CLSTN2: variants seen among roughly 807,000 people sequenced by gnomAD.
CLSTN2 encodes the protein calsyntenin-2.
CLSTN2 carries 48 observed loss-of-function variants against 101.2 expected under a neutral mutation model. The observed-to-expected ratio is 0.47, with a 90% CI of 0.38 to 0.60. The LOEUF (loss-of-function observed/expected upper bound fraction) is 0.60, where lower values mean the gene tolerates loss of function less well. Among genes scored for constraint, CLSTN2 ranks in the 20% least tolerant of loss-of-function variants. The pLI, the probability that CLSTN2 is intolerant of heterozygous loss-of-function variation, is 0.00. For missense variants in CLSTN2, 1,160 were observed against 1,238.2 expected, an observed-to-expected ratio of 0.94 and a Z score of 0.95; for synonymous variants, 481 against 463.6, an observed-to-expected ratio of 1.04 and a Z score of -0.48.
chr3:140,037,040 G>A (rs1411663423), intron 1 of CLSTN2, among the ~76,000 whole-genome samples: 1 of 151,920 alleles, frequency 6.6e-6, no homozygotes, highest in African/African-American at 2.4e-5. Context: ...CTTTTCTCTT[G>A]TGTTATATGT....
intron 1 of CLSTN2, among the ~76,000 whole-genome samples, chr3:140,084,884 G>T (rs72984144): frequency 0.056 from 8,595 of 152,260 alleles, 284 homozygotes; most frequent in African/African-American, 0.074. Flanking sequence ...TTTGAATTGG[G>T]ACTCAACCTG....
At chr3:140,230,287 A>C (rs930733101) in intron 2 of CLSTN2, among the ~76,000 whole-genome samples, 2 of 152,188 alleles carry the variant, frequency 1.3e-5, no homozygotes, top group African/African-American at 4.8e-5. Flanking sequence ...TGTGTGGTCA[A>C]ATGGATAGCA....
chr3:140,063,596 T>C (rs1178600936), intron 1 of CLSTN2, among the ~76,000 whole-genome samples: 1 of 152,118 alleles, frequency 6.6e-6, no homozygotes, highest in Non-Finnish European at 1.5e-5. Context: ...GGAAAATAAA[T>C]CTTTTAAAAG....
chr3:140,533,037 C>G (rs551073899), intron 9 of CLSTN2, among the ~76,000 whole-genome samples: 108 of 152,356 alleles, frequency 7.1e-4, no homozygotes, highest in Non-Finnish European at 1.0e-3. Context: ...TCCCTGGCAT[C>G]TAAGGACAGA....
chr3:140,087,537 C>G (rs780979461), intron 1 of CLSTN2, among the ~76,000 whole-genome samples: 1 of 152,194 alleles, frequency 6.6e-6, no homozygotes, highest in African/African-American at 2.4e-5. Flanking sequence ...GTCCACTGAT[C>G]CTTCCCATCA....
intron 2 of CLSTN2, among the ~76,000 whole-genome samples, chr3:140,232,480 T>C (rs1284714730): frequency 6.6e-6 from 1 of 150,934 alleles, no homozygotes; most frequent in Non-Finnish European, 1.5e-5. Flanking sequence ...CTTCTTTCCC[T>C]ATGCATTCTC....
intron 1 of CLSTN2, among the ~76,000 whole-genome samples, chr3:139,995,062 C>T (rs947435213): frequency 5.3e-5 from 8 of 152,160 alleles, no homozygotes; most frequent in Non-Finnish European, 8.8e-5. Flanking sequence ...GGCTCTGGCT[C>T]GGAGTAGCTC....
At chr3:140,120,278 C>G (rs2009318023) in intron 1 of CLSTN2, among the ~76,000 whole-genome samples, 1 of 152,092 alleles carries the variant, frequency 6.6e-6, no homozygotes, top group Admixed American at 6.5e-5. Flanking sequence ...TGGAGTGGCT[C>G]ACAGAACTCA....
chr3:140,275,712 C>G (rs2086788881), intron 2 of CLSTN2, among the ~76,000 whole-genome samples: 1 of 152,168 alleles, frequency 6.6e-6, no homozygotes, highest in Admixed American at 6.5e-5. Context: ...GCTGTGTGCT[C>G]TGGGTAGCTG....
At chr3:140,388,117 C>G (rs1484988915) in intron 2 of CLSTN2, among the ~76,000 whole-genome samples, 1 of 152,222 alleles carries the variant, frequency 6.6e-6, no homozygotes, top group Non-Finnish European at 1.5e-5. Flanking sequence ...AATGGAGATA[C>G]AACCATAAGA....
chr3:140,111,310 A>G (rs948533935), intron 1 of CLSTN2, among the ~76,000 whole-genome samples: 2 of 152,134 alleles, frequency 1.3e-5, no homozygotes, highest in African/African-American at 4.8e-5. Context: ...TCCTCTGGTC[A>G]AATCTCTGAG....
intron 1 of CLSTN2, among the ~76,000 whole-genome samples, chr3:140,073,735 G>A (rs1425102879): frequency 6.6e-6 from 1 of 152,208 alleles, no homozygotes; most frequent in Non-Finnish European, 1.5e-5. Context: ...CCTTACCTCA[G>A]ATGTTTTCAC....
intron 2 of CLSTN2, among the ~76,000 whole-genome samples, chr3:140,176,337 G>A (rs770108717): frequency 6.6e-6 from 1 of 152,168 alleles, no homozygotes; most frequent in Non-Finnish European, 1.5e-5. Context: ...GTAAATTGCT[G>A]AAGTGGCCTG....
chr3:139,964,858 G>A (rs575627089), intron 1 of CLSTN2, among the ~76,000 whole-genome samples: 6 of 152,198 alleles, frequency 3.9e-5, no homozygotes, highest in African/African-American at 1.4e-4. Flanking sequence ...TTACCTCCCG[G>A]CCACACATCT....
At chr3:140,060,430 C>T (rs946486819) in intron 1 of CLSTN2, among the ~76,000 whole-genome samples, 14 of 152,174 alleles carry the variant, frequency 9.2e-5, no homozygotes, top group Non-Finnish European at 1.6e-4. Flanking sequence ...CCAAAATCCT[C>T]TTGGAAATGA....
chr3:140,136,786 G>A (rs1290871498), intron 1 of CLSTN2, among the ~76,000 whole-genome samples: 1 of 152,206 alleles, frequency 6.6e-6, no homozygotes, highest in African/African-American at 2.4e-5. Flanking sequence ...GGGAGCAGGA[G>A]ATCAATGAAT....
Position 140,427,205 on chromosome 3 carries a change from GTGTATATATATATATATA to G in CLSTN2, c.787+5935_787+5952del, listed in dbSNP as rs1267279113. ...AAAAAATATATATATATATATATAT[GTGTATATATATATATATA>G]TGTGTGTATATATATATATATACAT... On this transcript the variant is annotated intron_variant, in intron 5 of 16. Coordinates refer to ENST00000458420, the MANE Select transcript of CLSTN2 (RefSeq NM_022131.3). Among the ~76,000 whole-genome samples the G allele has an allele frequency of 3.9e-4, 31 of 78,926 alleles. 2 individuals carry two copies. The highest frequency in any genetic ancestry group is 1.8e-3 in the African/African-American group (19 of 10,494). The allele number at this position is 78,926 out of a possible 152,430, so 51.8% of individuals were successfully genotyped here.
At chr3:140,059,695 C>T (rs2008164560) in intron 1 of CLSTN2, among the ~76,000 whole-genome samples, 1 of 152,130 alleles carries the variant, frequency 6.6e-6, no homozygotes, top group Non-Finnish European at 1.5e-5. Context: ...TATTAAGACA[C>T]CCACTTGGAA....
chr3:140,057,909 A>G (rs2008125677), intron 1 of CLSTN2, among the ~76,000 whole-genome samples: 1 of 152,180 alleles, frequency 6.6e-6, no homozygotes, highest in Non-Finnish European at 1.5e-5. Flanking sequence ...ATGGAAATGA[A>G]TGTTTATATT....
Sources: gnomAD v4.1 joint callset for allele counts (sites outside exome capture counted in the v4.1 genomes callset) on GRCh38, gnomAD v4.1.1 for gene constraint, MANE v1.5 for transcripts, NCBI Gene and HGNC (gene_info 2026-07-23, HGNC 2026-07-21) for gene names.